The following COX10 variants were observed in gnomAD, a reference collection of about 807,000 sequenced individuals.
COX10 encodes the protein cytochrome c oxidase assembly factor heme A:farnesyltransferase COX10, also known as protoheme IX farnesyltransferase, mitochondrial.
COX10 carries 27 observed loss-of-function variants against 37.3 expected under a neutral mutation model. The ratio of observed to expected loss-of-function variants is 0.72; its 90% confidence interval spans 0.53 to 1.00. The LOEUF (loss-of-function observed/expected upper bound fraction) is 1.00, where lower values mean the gene tolerates loss of function less well. Among genes scored for constraint, COX10 ranks in the 50% least tolerant of loss-of-function variants. The probability of loss-of-function intolerance (pLI) is 0.00; values close to 1 mark genes in which losing one functional copy is unlikely to be tolerated. For synonymous variants in COX10, 222 were observed against 229.1 expected, an observed-to-expected ratio of 0.97 and a Z score of 0.28; for missense variants, 475 against 563.2, an observed-to-expected ratio of 0.84 and a Z score of 1.59.
At chr17:14,178,654 C>CA (rs1262203457) in intron 5 of COX10, among the ~76,000 whole-genome samples, 1 of 151,748 alleles carries the variant, frequency 6.6e-6, no homozygotes, top group Non-Finnish European at 1.5e-5. Flanking sequence ...CCAGCCTCAC[C>CA]ATTCATCTCT....
chr17:14,088,650 T>C (rs1022552879), intron 3 of COX10, among the ~76,000 whole-genome samples: 4 of 152,160 alleles, frequency 2.6e-5, no homozygotes, highest in Non-Finnish European at 5.9e-5. Flanking sequence ...GAAAAAAAAC[T>C]GAGTTGAGAA....
intron 5 of COX10, among the ~76,000 whole-genome samples, chr17:14,181,679 AG>A (rs2142256301): frequency 6.6e-6 from 1 of 152,326 alleles, no homozygotes; most frequent in South Asian, 2.1e-4. Flanking sequence ...GTCAGGAGAA[AG>A]GAAAAGTATG....
Position 14,206,850 on chromosome 17 carries a change from T to A in COX10, c.969T>A (p.Phe323Leu), listed in dbSNP as rs767217998. ...GAGGAATCCTCTACTCCTGGCAGTT[T>A]CCTCATTTCAACGCCCTGAGCTGGG... is the stretch of plus-strand genomic sequence containing the variant. Reference protein sequence around the residue: ...LLGGILYSWQFPHFNALSWGL... With the variant: ...LLGGILYSWQLPHFNALSWGL... The change falls in exon 7 of 7, where the codon TTT becomes TTA. Residue 323 changes from phenylalanine (F) to leucine (L), a missense_variant. Around this residue, in one of 5 missense-constraint regions of COX10, gnomAD observed 160 missense variants for 180.6 expected, o/e 0.89. Coordinates refer to ENST00000261643, the MANE Select transcript of COX10 (RefSeq NM_001303.4). The A allele has an allele frequency of 6.2e-7, 1 of 1,614,178 alleles. No individual in the cohort carries two copies.
intron 6 of COX10, among the ~76,000 whole-genome samples, chr17:14,204,989 G>A (rs1310432579): frequency 6.6e-6 from 1 of 151,902 alleles, no homozygotes; most frequent in African/African-American, 2.4e-5. Context: ...CACCTATAGT[G>A]CCAGCTATTC....
At chr17:14,191,403 G>A (rs1158768998) in intron 5 of COX10, among the ~76,000 whole-genome samples, 1 of 151,610 alleles carries the variant, frequency 6.6e-6, no homozygotes, top group Middle Eastern at 3.4e-3. Context: ...TGCTGAGCCT[G>A]TAATTCATTA....
Position 14,069,542 on chromosome 17 carries a change from G to GT in COX10, c.-64_-63insT. ...GGGGGCGGGGAAGGAAGATGGCGGC[G>GT]CCCAGCGTCCCGTGAGGAGAGAGGA... is the stretch of plus-strand genomic sequence containing the variant. On this transcript the variant is annotated 5_prime_UTR_variant, in exon 1 of 7. An upstream open reading frame in the 5' UTR loses its in-frame stop. Coordinates refer to ENST00000261643, the MANE Select transcript of COX10 (RefSeq NM_001303.4). 1 of 1,595,040 alleles carries GT rather than the reference G, an allele frequency of 6.3e-7. No individual in the cohort carries two copies. Among genetic ancestry groups the GT allele is most frequent in the Non-Finnish European group, 8.6e-7 (1 of 1,165,364 alleles).
At chr17:14,072,280 G>A (rs1223831849) in intron 1 of COX10, among the ~76,000 whole-genome samples, 3 of 152,112 alleles carry the variant, frequency 2.0e-5, no homozygotes, top group South Asian at 2.1e-4. Context: ...GAGTGCAATG[G>A]CACAATCTTG....
intron 6 of COX10, among the ~76,000 whole-genome samples, chr17:14,204,932 T>C (rs1016535652): frequency 1.3e-5 from 2 of 152,062 alleles, no homozygotes; most frequent in Non-Finnish European, 2.9e-5. Flanking sequence ...TGAGACCCCA[T>C]CTCTACAAAA....
intron 4 of COX10, among the ~76,000 whole-genome samples, chr17:14,112,468 A>G (rs1311352126): frequency 6.6e-6 from 1 of 152,178 alleles, no homozygotes; most frequent in Non-Finnish European, 1.5e-5. Context: ...GGAAGGATCC[A>G]TGTATATGTA....
At chr17:14,094,034 G>C (rs1597497868) in intron 3 of COX10, among the ~76,000 whole-genome samples, 1 of 152,118 alleles carries the variant, frequency 6.6e-6, no homozygotes, top group Non-Finnish European at 1.5e-5. Context: ...ACTGCAGCCT[G>C]GGTGACAGAG....
At chr17:14,183,798 C>G (rs1439277846) in intron 5 of COX10, among the ~76,000 whole-genome samples, 5 of 152,200 alleles carry the variant, frequency 3.3e-5, no homozygotes, top group Non-Finnish European at 7.4e-5. Flanking sequence ...CTTATTTCAT[C>G]TGTTCTTTCT....
At chr17:14,145,878 A>G (rs1904697964) in intron 4 of COX10, among the ~76,000 whole-genome samples, 1 of 152,142 alleles carries the variant, frequency 6.6e-6, no homozygotes, top group African/African-American at 2.4e-5. Context: ...TATTTGAGAA[A>G]TATTTTGGAT....
At position 14,069,596 on chromosome 17, in the gene COX10, C is replaced by G; in HGVS notation, c.-10C>G. Reference sequence around the variant, plus strand: ...AGGGATCCCGGGGAGCGGCCCCAGACTCGTAAATTATGGCCGCATCTCCGC... The same window carrying G: ...AGGGATCCCGGGGAGCGGCCCCAGAGTCGTAAATTATGGCCGCATCTCCGC... On this transcript the variant is annotated 5_prime_UTR_variant, in exon 1 of 7. Coordinates refer to ENST00000261643, the MANE Select transcript of COX10 (RefSeq NM_001303.4). 3 of 1,614,066 alleles carry G rather than the reference C, an allele frequency of 1.9e-6. No homozygotes were observed. Among genetic ancestry groups the G allele is most frequent in the Non-Finnish European group, 2.5e-6 (3 of 1,180,016 alleles).
chr17:14,169,672 T>C lies in COX10; in HGVS notation c.695+9725T>C, dbSNP rs957942951. On this transcript the variant is annotated intron_variant, in intron 5 of 6. Coordinates refer to ENST00000261643, the MANE Select transcript of COX10 (RefSeq NM_001303.4). ...GTTCTGGCTATAATGTTTGTTGTAA[T>C]GAGGGAGTTAGATTTAGAGCCTCCT... Among the ~76,000 whole-genome samples the C allele has an allele frequency of 5.9e-5, 9 of 152,232 alleles. No homozygotes were observed. The South Asian group carries it at 1.7e-3, about 28-fold the overall frequency.
chr17:14,145,178 G>A (rs763547721), intron 4 of COX10, among the ~76,000 whole-genome samples: 12 of 151,450 alleles, frequency 7.9e-5, no homozygotes, highest in Non-Finnish European at 1.8e-4. Flanking sequence ...TGTGTGTGGA[G>A]GGGCAGGGAG....
intron 4 of COX10, among the ~76,000 whole-genome samples, chr17:14,102,543 A>G (rs1353524502): frequency 6.6e-6 from 1 of 152,074 alleles, no homozygotes. Flanking sequence ...ATCTTTGTTT[A>G]TCCATTTCAG....
intron 6 of COX10, among the ~76,000 whole-genome samples, chr17:14,197,428 A>AT (rs894125844): frequency 1.3e-5 from 2 of 152,142 alleles, no homozygotes; most frequent in Admixed American, 6.5e-5. Context: ...TGGGATTCTG[A>AT]TTTTTTTTCC....
At chr17:14,114,094 A>T (rs1282931163) in intron 4 of COX10, among the ~76,000 whole-genome samples, 1 of 152,124 alleles carries the variant, frequency 6.6e-6, no homozygotes, top group African/African-American at 2.4e-5. Context: ...TTTTTGTGTC[A>T]TTCCATATTA....
At chr17:14,195,877 G>A (rs756245488) in intron 6 of COX10, among the ~76,000 whole-genome samples, 7 of 152,190 alleles carry the variant, frequency 4.6e-5, no homozygotes, top group Non-Finnish European at 7.3e-5. Context: ...GAACCAGACA[G>A]AGCTCTAGCC....
Sources: gnomAD v4.1 joint callset for allele counts (sites outside exome capture counted in the v4.1 genomes callset) on GRCh38, gnomAD v4.1.1 for gene constraint, gnomAD v4.1.1 regional missense constraint, MANE v1.5 for transcripts, NCBI Gene and HGNC (gene_info 2026-07-23, HGNC 2026-07-21) for gene names.